Variants in HS2ST1 observed in about 807,000 individuals in gnomAD.
HS2ST1 encodes the protein 2-O-sulfotransferase.
Under a neutral mutation model 42.9 loss-of-function variants are expected in HS2ST1, and 18 were observed. The ratio of observed to expected loss-of-function variants is 0.42; its 90% CI spans 0.29 to 0.62. HS2ST1 has a LOEUF of 0.62. HS2ST1 is among the 20% of genes least tolerant of loss of function. The pLI is 0.21. For synonymous variants in HS2ST1, 146 were observed against 152.9 expected, an observed-to-expected ratio of 0.95 and a Z score of 0.33; for missense variants, 334 against 433.8, an observed-to-expected ratio of 0.77 and a Z score of 2.04.
chr1:87,086,776 C>T (rs564499963), intron 3 of HS2ST1, among the ~76,000 whole-genome samples: 1 of 152,052 alleles, frequency 6.6e-6, no homozygotes, highest in South Asian at 2.1e-4. Flanking sequence ...CCATCTTGCT[C>T]CTTTTTGTCT....
intron 1 of HS2ST1, among the ~76,000 whole-genome samples, chr1:87,066,590 T>C (rs7536648): frequency 0.7 from 105,878 of 152,022 alleles, 39,159 homozygotes; most frequent in East Asian, 0.97. Context: ...TTTTTATTAT[T>C]ATACTTTAAG....
At chr1:87,097,592 C>G (rs556354169) in intron 4 of HS2ST1, among the ~76,000 whole-genome samples, 1 of 152,196 alleles carries the variant, frequency 6.6e-6, no homozygotes, top group East Asian at 1.9e-4. Flanking sequence ...TGGGGTTTCA[C>G]CATGTTAACT....
intron 1 of HS2ST1, among the ~76,000 whole-genome samples, chr1:87,055,520 G>A (rs1650941930): frequency 6.6e-6 from 1 of 152,136 alleles, no homozygotes. Context: ...TCAACTGTAA[G>A]CGTTATCACT....
rs556846736 is a variant in HS2ST1 at position 87,099,126 on chromosome 1, A to AT, written c.686+1198dup. ...GTTTTATTGAAACACAGCCACATAC[A>AT]TTTTTTTACTTATTGCTTGTGGCTG... On this transcript the variant is annotated intron_variant, in intron 5 of 6. Transcript: ENST00000370550. Among the ~76,000 whole-genome samples, 423 of 152,162 alleles carry AT rather than the reference A, an allele frequency of 2.8e-3. 1 individual carries two copies. The highest frequency in any genetic ancestry group is 9.7e-3 in the African/African-American group (402 of 41,506).
intron 1 of HS2ST1, among the ~76,000 whole-genome samples, chr1:87,034,961 G>A (rs1332809753): frequency 6.6e-6 from 1 of 152,142 alleles, no homozygotes; most frequent in African/African-American, 2.4e-5. Flanking sequence ...CCTTATAAGA[G>A]GGAGGCAAGA....
rs577784108 is a variant in HS2ST1, at chr1:87,054,381, A to G, written c.125-18553A>G. Among the ~76,000 whole-genome samples the G allele has an allele frequency of 7.9e-5, 12 of 152,198 alleles. No individual in the cohort carries two copies. The East Asian group carries it at 2.1e-3, about 27-fold the overall frequency. On this transcript the variant is annotated intron_variant, in intron 1 of 6. Transcript: ENST00000370550. ...TGGTTACTTCCTTGTCCATAGAACAACTATCTCTAATCAAGCATCATCATC... is the reference window on the plus strand; with the variant it reads ...TGGTTACTTCCTTGTCCATAGAACAGCTATCTCTAATCAAGCATCATCATC...
chr1:86,965,037 C>A (rs1648003377), intron 1 of HS2ST1, among the ~76,000 whole-genome samples: 1 of 152,130 alleles, frequency 6.6e-6, no homozygotes, highest in Non-Finnish European at 1.5e-5. Context: ...GATCTGCTAG[C>A]CAAGATTAGG....
intron 3 of HS2ST1, among the ~76,000 whole-genome samples, chr1:87,089,036 C>A (rs1028776529): frequency 1.3e-5 from 2 of 151,968 alleles, no homozygotes; most frequent in African/African-American, 4.8e-5. Flanking sequence ...CATAATGATT[C>A]CCAAAGGCCA....
rs191262779 is a variant in HS2ST1 at position 86,971,329 on chromosome 1, C to T, written c.124+56169C>T. On this transcript the variant is annotated intron_variant, in intron 1 of 6. Coordinates refer to ENST00000370550, the MANE Select transcript of HS2ST1 (RefSeq NM_012262.4). ...AAAACAAAACAAAAAAAAACCTTGG[C>T]GGTTTAGTTATTTCTTCAGTTCTGT... 2.5e-3 allele frequency among the ~76,000 whole-genome samples: 382 copies of T among 152,184 alleles called. 3 individuals carry two copies. The highest frequency in any genetic ancestry group is 3.6e-3 in the Admixed American group (55 of 15,276).
intron 1 of HS2ST1, among the ~76,000 whole-genome samples, chr1:87,027,941 C>T (rs769700578): frequency 5.3e-5 from 8 of 152,196 alleles, no homozygotes; most frequent in East Asian, 3.9e-4. Context: ...CTGCCCGCCT[C>T]GGCCTCCCGA....
At chr1:86,972,948 T>C (rs1557499765) in intron 1 of HS2ST1, among the ~76,000 whole-genome samples, 2 of 152,226 alleles carry the variant, frequency 1.3e-5, no homozygotes, top group East Asian at 1.9e-4. Flanking sequence ...TACAATGTGC[T>C]CTCATGATTG....
intron 3 of HS2ST1, among the ~76,000 whole-genome samples, chr1:87,091,178 C>A (rs1651930944): frequency 6.6e-6 from 1 of 151,492 alleles, no homozygotes; most frequent in Non-Finnish European, 1.5e-5. Flanking sequence ...TTATATCTGG[C>A]AATATTGGGT....
At chr1:86,997,348 G>A (rs1165916056) in intron 1 of HS2ST1, among the ~76,000 whole-genome samples, 1 of 152,132 alleles carries the variant, frequency 6.6e-6, no homozygotes, top group Admixed American at 6.6e-5. Context: ...TGACTTTGAG[G>A]CTTAAGAGCT....
chr1:86,990,980 T>C (rs1173822692), intron 1 of HS2ST1, among the ~76,000 whole-genome samples: 3 of 150,668 alleles, frequency 2.0e-5, no homozygotes, highest in Non-Finnish European at 4.4e-5. Context: ...AGCTGGACCC[T>C]GTCCAGTTTC....
At chr1:87,084,129 A>T in intron 2 of HS2ST1, 65 bp from the exon 3 acceptor site, 1 of 1,026,294 alleles carries the variant, frequency 9.7e-7, no homozygotes, top group South Asian at 1.7e-5. Context: ...TCTTGGAAAT[A>T]TTTTGCTATC....
chr1:87,026,753 C>T (rs1650097361), intron 1 of HS2ST1, among the ~76,000 whole-genome samples: 1 of 151,100 alleles, frequency 6.6e-6, no homozygotes, highest in Non-Finnish European at 1.5e-5. Context: ...GGATGAATGG[C>T]AACATAAAAC....
At chr1:86,921,871 T>C (rs1230332635) in intron 1 of HS2ST1, among the ~76,000 whole-genome samples, 1 of 152,232 alleles carries the variant, frequency 6.6e-6, no homozygotes, top group Non-Finnish European at 1.5e-5. Context: ...TGTCAGGTGG[T>C]ATATCTTTTC....
rs117885416 is a variant in HS2ST1, at chr1:87,082,692, G to A, written c.364-1502G>A. ...TTTTCATATTCAGCATGTAAAGTAT[G>A]TTAAAGATGCAGGCTCTGGATTATT... On this transcript the variant is annotated intron_variant, in intron 2 of 6. Coordinates refer to ENST00000370550, the MANE Select transcript of HS2ST1 (RefSeq NM_012262.4). Among the ~76,000 whole-genome samples the A allele has an allele frequency of 2.0e-5, 3 of 152,302 alleles. No individual in the cohort carries two copies. In the East Asian group the frequency reaches 5.8e-4, roughly 29 times the overall value.
intron 1 of HS2ST1, among the ~76,000 whole-genome samples, chr1:87,004,296 C>G (rs2100572310): frequency 6.6e-6 from 1 of 152,134 alleles, no homozygotes; most frequent in East Asian, 1.9e-4. Flanking sequence ...GAGGCTGAGG[C>G]AGTAGAAGTG....
Sources: allele counts gnomAD v4.1 joint callset (sites outside exome capture counted in the v4.1 genomes callset), GRCh38; gene constraint gnomAD v4.1.1; transcripts MANE v1.5; gene names NCBI Gene and HGNC (gene_info 2026-07-23, HGNC 2026-07-21).